CTNNA3: variants seen among roughly 807,000 people sequenced by gnomAD.
The protein encoded by CTNNA3 is catenin alpha 3, also known as catenin alpha-3.
Under a neutral mutation model 95.7 loss-of-function variants are expected in CTNNA3, and 76 were observed. The observed-to-expected ratio is 0.79, with a 90% CI of 0.66 to 0.96. The LOEUF (loss-of-function observed/expected upper bound fraction) is 0.96. Ranked by LOEUF, CTNNA3 falls within the 40% of genes least tolerant of loss-of-function variation. The probability of loss-of-function intolerance (pLI) is 0.00; values close to 1 mark genes in which losing one functional copy is unlikely to be tolerated. For missense variants in CTNNA3, 1,191 were observed against 1,089.8 expected (o/e 1.09, Z -1.31); for synonymous variants, 431 against 374.4 (o/e 1.15, Z -1.74).
At chr10:67,487,334 G>C (rs563518527) in intron 5 of CTNNA3, among the ~76,000 whole-genome samples, 1 of 152,044 alleles carries the variant, frequency 6.6e-6, no homozygotes, top group South Asian at 2.1e-4. Flanking sequence ...ATCATCCTAG[G>C]ATCACCTCCT....
At chr10:67,323,502 C>A (rs201853779) in intron 5 of CTNNA3, among the ~76,000 whole-genome samples, 1 of 152,082 alleles carries the variant, frequency 6.6e-6, no homozygotes, top group Non-Finnish European at 1.5e-5. Context: ...TTTTTGTCAG[C>A]TTTGTTGAAG....
At chr10:67,255,306 A>C (rs193245072) in intron 5 of CTNNA3, among the ~76,000 whole-genome samples, 1 of 151,744 alleles carries the variant, frequency 6.6e-6, no homozygotes, top group East Asian at 1.9e-4. Context: ...AAAAATAAAT[A>C]AATAAATAAA....
At chr10:67,703,076 G>C (rs1841054143) in intron 1 of CTNNA3, among the ~76,000 whole-genome samples, 1 of 152,282 alleles carries the variant, frequency 6.6e-6, no homozygotes, top group Non-Finnish European at 1.5e-5. Flanking sequence ...ACTAAACCAG[G>C]AAGAAGTTGA....
At chr10:66,940,419 A>G (rs1237463048) in intron 7 of CTNNA3, among the ~76,000 whole-genome samples, 1 of 152,180 alleles carries the variant, frequency 6.6e-6, no homozygotes, top group Non-Finnish European at 1.5e-5. Context: ...GGATACAGTG[A>G]GCAACGATTG....
At chr10:67,367,647 A>G (rs1843265465) in intron 5 of CTNNA3, among the ~76,000 whole-genome samples, 1 of 152,224 alleles carries the variant, frequency 6.6e-6, no homozygotes, top group Admixed American at 6.5e-5. Context: ...TCACAATAGC[A>G]AAGACATGGA....
At chr10:67,074,319 C>T (rs1290058414) in intron 7 of CTNNA3, among the ~76,000 whole-genome samples, 2 of 148,116 alleles carry the variant, frequency 1.4e-5, no homozygotes, top group Admixed American at 1.3e-4. Context: ...CATGAGCCAC[C>T]GTGCCCAGCT....
At chr10:66,636,695 T>C (rs1376337492) in intron 9 of CTNNA3, among the ~76,000 whole-genome samples, 1 of 152,176 alleles carries the variant, frequency 6.6e-6, no homozygotes. Context: ...TCTATACTTA[T>C]TTATGATTGA....
intron 10 of CTNNA3, among the ~76,000 whole-genome samples, chr10:66,570,654 A>G (rs1397084357): frequency 2.6e-5 from 4 of 152,014 alleles, no homozygotes; most frequent in Non-Finnish European, 5.9e-5. Flanking sequence ...TTTAAAAACC[A>G]CTTGATTTCA....
At chr10:67,037,302 A>G (rs1854119485) in intron 7 of CTNNA3, among the ~76,000 whole-genome samples, 1 of 151,852 alleles carries the variant, frequency 6.6e-6, no homozygotes. Context: ...CTCTTCTTTC[A>G]TGTACTCAGC....
At chr10:66,069,206 C>A in intron 15 of CTNNA3, 102 bp downstream of exon 15, 1 of 1,132,152 alleles carries the variant, frequency 8.8e-7, no homozygotes, top group Non-Finnish European at 1.3e-6. Context: ...CCCCTACCAC[C>A]TGATTTTTGG....
At chr10:67,234,533 A>G (rs1028149845) in intron 5 of CTNNA3, among the ~76,000 whole-genome samples, 41 of 152,322 alleles carry the variant, frequency 2.7e-4, no homozygotes, top group Non-Finnish European at 3.4e-4. Flanking sequence ...AGCACTATCT[A>G]TGACAAACCC....
rs370600208 is a variant in CTNNA3 at position 66,103,201 on chromosome 10, C to G, written c.1933G>C (p.Val645Leu). The stretch of plus-strand genomic sequence containing the variant: ...GTCTGAATGCTGGTGTGACTGCGGA[C>G]CTCGTGTTCCTCTTCAAGGTCAGAA... ...DVSDLEEEHE[V>L]RSHTSIQTEG... is the part of the protein sequence containing the mutation. Residue 645 changes from valine to leucine, a missense_variant, in exon 14 of 18, where the codon GTC becomes CTC. Physicochemically the swap from Val to Leu is conservative, Grantham distance 32. Transcript: ENST00000433211. 5.6e-6 allele frequency: 9 copies of G among 1,613,998 alleles called. No individual in the cohort carries two copies. Among genetic ancestry groups the G allele is most frequent in the African/African-American group, 1.3e-5 (1 of 74,920 alleles).
At chr10:67,282,892 A>G (rs530626363) in intron 5 of CTNNA3, among the ~76,000 whole-genome samples, 1 of 152,278 alleles carries the variant, frequency 6.6e-6, no homozygotes, top group African/African-American at 2.4e-5. Context: ...GAAAACTAGA[A>G]TCTCTCTTCC....
intron 9 of CTNNA3, among the ~76,000 whole-genome samples, chr10:66,651,815 G>A (rs1023337973): frequency 2.5e-3 from 71 of 28,016 alleles, no homozygotes; most frequent in African/African-American, 0.016. Context: ...GTTCCCACCC[G>A]CGCCTCTCCC....
chr10:67,681,774 T>A (rs757950849), intron 1 of CTNNA3, among the ~76,000 whole-genome samples: 8 of 152,270 alleles, frequency 5.3e-5, no homozygotes, highest in African/African-American at 1.9e-4. Context: ...AAAACAAAAG[T>A]CATAAAATAA....
At chr10:66,371,486 A>C (rs2092753928) in intron 12 of CTNNA3, among the ~76,000 whole-genome samples, 1 of 152,180 alleles carries the variant, frequency 6.6e-6, no homozygotes, top group Non-Finnish European at 1.5e-5. Flanking sequence ...TAAAGGTTTC[A>C]TAAACCATCT....
chr10:67,005,687 T>TTTTGTTTGTTTGTTTG lies in CTNNA3; in HGVS notation c.1047+174629_1047+174630insCAAACAAACAAACAAA, dbSNP rs1554895953. On this transcript the variant is annotated intron_variant, in intron 7 of 17. Transcript: ENST00000433211. ...TTTTGTTTATTTTACTCCATCTTTTTTTTTTTTTTTTTTTTTGAGACGGAG... is the reference window on the plus strand; with the variant it reads ...TTTTGTTTATTTTACTCCATCTTTTTTTTGTTTGTTTGTTTGTTTTTTTTTTTTTTTTGAGACGGAG... 8.4e-4 allele frequency among the ~76,000 whole-genome samples: 86 copies of TTTTGTTTGTTTGTTTG among 102,322 alleles called. 2 individuals are homozygous for TTTTGTTTGTTTGTTTG. Among genetic ancestry groups the TTTTGTTTGTTTGTTTG allele is most frequent in the African/African-American group, 2.6e-3 (83 of 32,448 alleles). The allele number at this position is 102,322 out of a possible 152,430, so 67.1% of individuals were successfully genotyped here.
At chr10:67,481,845 A>T (rs889847365) in intron 5 of CTNNA3, among the ~76,000 whole-genome samples, 4 of 152,008 alleles carry the variant, frequency 2.6e-5, no homozygotes, top group East Asian at 3.9e-4. Context: ...CTGAATGGTA[A>T]TGCCTAGGTT....
At chr10:66,575,541 G>A (rs1589441429) in intron 10 of CTNNA3, among the ~76,000 whole-genome samples, 1 of 152,050 alleles carries the variant, frequency 6.6e-6, no homozygotes, top group African/African-American at 2.4e-5. Flanking sequence ...GACAATGCTG[G>A]TCAAGGGACT....
Sources: allele counts gnomAD v4.1 joint callset (sites outside exome capture counted in the v4.1 genomes callset), GRCh38; gene constraint gnomAD v4.1.1; transcripts MANE v1.5; gene names NCBI Gene and HGNC (gene_info 2026-07-23, HGNC 2026-07-21).